The following PTPRM variants were observed in gnomAD, a reference collection of about 807,000 sequenced individuals.
The protein encoded by PTPRM is protein tyrosine phosphatase receptor type M, also known as receptor-type tyrosine-protein phosphatase mu.
In PTPRM, 47 loss-of-function variants were observed where a neutral mutation model predicts 186.7. That is an observed-to-expected ratio of 0.25 (90% CI 0.20 to 0.32). PTPRM has a LOEUF of 0.32. PTPRM is among the 10% of genes least tolerant of loss of function. The pLI is 1.00. For synonymous variants in PTPRM, 668 were observed against 674.9 expected, an observed-to-expected ratio of 0.99 and a Z score of 0.16; for missense variants, 1,494 against 1,865.0, an observed-to-expected ratio of 0.80 and a Z score of 3.66.
At chr18:8,314,526 C>A (rs76101785) in intron 20 of PTPRM, among the ~76,000 whole-genome samples, 7 of 152,258 alleles carry the variant, frequency 4.6e-5, no homozygotes, top group Non-Finnish European at 1.0e-4. Flanking sequence ...AGTGTCAAAC[C>A]TTTGTCAATG....
At chr18:8,015,873 T>C (rs1016572461) in intron 7 of PTPRM, among the ~76,000 whole-genome samples, 3 of 152,196 alleles carry the variant, frequency 2.0e-5, no homozygotes, top group Non-Finnish European at 2.9e-5. Context: ...AAATTGCATT[T>C]ATCTGAATTA....
chr18:7,752,711 G>A (rs561121426), intron 1 of PTPRM, among the ~76,000 whole-genome samples: 1 of 152,088 alleles, frequency 6.6e-6, no homozygotes, highest in East Asian at 1.9e-4. Context: ...CTAAGTGCTG[G>A]GATTACAGGC....
At chr18:7,745,522 G>C (rs2144548034) in intron 1 of PTPRM, among the ~76,000 whole-genome samples, 1 of 152,298 alleles carries the variant, frequency 6.6e-6, no homozygotes, top group African/African-American at 2.4e-5. Flanking sequence ...AATACCTCAG[G>C]CTTTTGGATC....
chr18:7,781,615 C>A (rs1266245710), intron 2 of PTPRM, among the ~76,000 whole-genome samples: 1 of 152,112 alleles, frequency 6.6e-6, no homozygotes, highest in Non-Finnish European at 1.5e-5. Context: ...ACCATTCCCC[C>A]CAAGCAGTCC....
intron 11 of PTPRM, among the ~76,000 whole-genome samples, chr18:8,092,155 AC>A (rs1360027139): frequency 1.3e-5 from 2 of 152,100 alleles, no homozygotes; most frequent in Non-Finnish European, 2.9e-5. Context: ...TGATTTCCCT[AC>A]AAACACTCAG....
At chr18:7,615,390 A>T (rs577528917) in intron 1 of PTPRM, among the ~76,000 whole-genome samples, 1 of 152,234 alleles carries the variant, frequency 6.6e-6, no homozygotes, top group East Asian at 1.9e-4. Context: ...GAGAGACGGG[A>T]TCACTCGCCC....
At chr18:7,994,325 G>C (rs1379188103) in intron 7 of PTPRM, among the ~76,000 whole-genome samples, 1 of 150,604 alleles carries the variant, frequency 6.6e-6, no homozygotes. Context: ...GATATATAAA[G>C]CAAATATCAT....
At chr18:8,138,656 G>A (rs684974) in intron 13 of PTPRM, among the ~76,000 whole-genome samples, 110,594 of 152,038 alleles carry the variant, frequency 0.73, 40,849 homozygotes, top group East Asian at 0.89. Context: ...GCATTGCTGC[G>A]TGTGTGGCTT....
intron 14 of PTPRM, among the ~76,000 whole-genome samples, chr18:8,200,124 G>A (rs984541727): frequency 2.0e-5 from 3 of 152,190 alleles, no homozygotes; most frequent in African/African-American, 7.2e-5. Context: ...CCTGATAGCA[G>A]TGTCCTTGGG....
rs138478582 is a variant in PTPRM, at chr18:7,774,176, G to A, written c.101G>A (p.Ser34Asn). Residue 34 changes from serine to asparagine, a missense_variant, in exon 2 of 33, where the codon AGC becomes AAC. Coordinates refer to ENST00000580170, the MANE Select transcript of PTPRM (RefSeq NM_001105244.2). ...GGCTGCCTCTTTGATGAGCCGTATAGCACATGTGGATATAGTCAATCTGAA... is the reference window on the plus strand; with the variant it reads ...GGCTGCCTCTTTGATGAGCCGTATAACACATGTGGATATAGTCAATCTGAA... ...SGGCLFDEPYSTCGYSQSEGD... is the reference protein window; with the variant it reads ...SGGCLFDEPYNTCGYSQSEGD... The A allele has an allele frequency of 8.7e-6, 14 of 1,612,026 alleles. 1 individual carries two copies. The highest frequency in any genetic ancestry group is 3.3e-4 in the Middle Eastern group (2 of 6,080).
intron 1 of PTPRM, among the ~76,000 whole-genome samples, chr18:7,746,632 A>G (rs1490838548): frequency 6.6e-6 from 1 of 151,890 alleles, no homozygotes; most frequent in Non-Finnish European, 1.5e-5. Flanking sequence ...TGCCTGGCTA[A>G]TTTTTGTATT....
chr18:8,353,322 G>T (rs573842962), intron 23 of PTPRM, among the ~76,000 whole-genome samples: 15 of 152,310 alleles, frequency 9.8e-5, no homozygotes, highest in Middle Eastern at 3.4e-3. Context: ...TCACTTTAAT[G>T]GAAGGCATTG....
chr18:7,570,068 G>A (rs1367735395), intron 1 of PTPRM, among the ~76,000 whole-genome samples: 1 of 152,146 alleles, frequency 6.6e-6, no homozygotes, highest in Non-Finnish European at 1.5e-5. Flanking sequence ...TGAGGTTGCA[G>A]TGAGCTATGA....
intron 1 of PTPRM, among the ~76,000 whole-genome samples, chr18:7,733,804 G>A (rs1320857856): frequency 6.6e-6 from 1 of 152,170 alleles, no homozygotes; most frequent in African/African-American, 2.4e-5. Flanking sequence ...ACAAATTCCT[G>A]GTGGCTCCAC....
rs763829289 is a variant in PTPRM at position 8,057,425 on chromosome 18, C to CTTT, written c.1133-12241_1133-12239dup. On this transcript the variant is annotated intron_variant, in intron 7 of 32. Coordinates refer to ENST00000580170, the MANE Select transcript of PTPRM (RefSeq NM_001105244.2). ...CCATTGTTGTGATACTGTGATACTTCTTTTTTTTTTTTTTTTTTTTTTAGC... is the reference window on the plus strand; with the variant it reads ...CCATTGTTGTGATACTGTGATACTTCTTTTTTTTTTTTTTTTTTTTTTTTTAGC... Among the ~76,000 whole-genome samples, 711 of 101,908 alleles carry CTTT rather than the reference C, an allele frequency of 7.0e-3. 8 individuals are homozygous for CTTT. The highest frequency in any genetic ancestry group is 0.025 in the African/African-American group (591 of 23,226). 66.9% of individuals were successfully genotyped at this position (101,908 alleles called of 152,430 possible).
At chr18:7,875,182 C>T (rs553256580) in intron 2 of PTPRM, among the ~76,000 whole-genome samples, 23 of 151,692 alleles carry the variant, frequency 1.5e-4, no homozygotes, top group East Asian at 1.4e-3. Flanking sequence ...GGTGACAGAA[C>T]GGGTCTGTCT....
chr18:7,799,369 A>G (rs2043835559), intron 2 of PTPRM, among the ~76,000 whole-genome samples: 1 of 152,218 alleles, frequency 6.6e-6, no homozygotes, highest in South Asian at 2.1e-4. Flanking sequence ...AAGTTCTAAT[A>G]TATGAATTTT....
intron 4 of PTPRM, among the ~76,000 whole-genome samples, chr18:7,912,929 G>A (rs2050354219): frequency 6.6e-6 from 1 of 152,272 alleles, no homozygotes; most frequent in South Asian, 2.1e-4. Context: ...TGGTTTGGGT[G>A]AGGGGTTATT....
At chr18:7,673,637 C>T (rs907734282) in intron 1 of PTPRM, among the ~76,000 whole-genome samples, 3 of 152,166 alleles carry the variant, frequency 2.0e-5, no homozygotes, top group African/African-American at 7.2e-5. Flanking sequence ...GCTTATTCAT[C>T]ACATATTACT....
Sources: gnomAD v4.1 joint callset for allele counts (sites outside exome capture counted in the v4.1 genomes callset) on GRCh38, gnomAD v4.1.1 for gene constraint, MANE v1.5 for transcripts, NCBI Gene and HGNC (gene_info 2026-07-23, HGNC 2026-07-21) for gene names.